NRCAM: variants seen among roughly 807,000 people sequenced by gnomAD.
NRCAM encodes the protein neuronal cell adhesion molecule, also known as NgCAM-related cell adhesion molecule.
In NRCAM, 83 loss-of-function variants were observed where a neutral mutation model predicts 156.5. The observed-to-expected ratio is 0.53, with a 90% CI of 0.44 to 0.64. The LOEUF is 0.64. NRCAM is among the 30% of genes least tolerant of loss of function. The pLI, the probability that NRCAM is intolerant of heterozygous loss-of-function variation, is 0.00. For missense variants in NRCAM, 1,417 were observed against 1,597.3 expected (o/e 0.89, Z 1.92); for synonymous variants, 538 against 563.9 (o/e 0.95, Z 0.65).
chr7:108,448,375 T>A (rs1846738648), intron 1 of NRCAM, among the ~76,000 whole-genome samples: 1 of 152,224 alleles, frequency 6.6e-6, no homozygotes, highest in Non-Finnish European at 1.5e-5. Context: ...GTACTAAATA[T>A]ACATTTACAA....
chr7:108,324,154 T>TGA (rs1322731249), intron 2 of NRCAM, among the ~76,000 whole-genome samples: 4 of 152,042 alleles, frequency 2.6e-5, no homozygotes, highest in African/African-American at 9.7e-5. Flanking sequence ...ACTTCCATTT[T>TGA]GAAGGGTGGA....
At chr7:108,251,467 C>G (rs1398375871) in intron 3 of NRCAM, among the ~76,000 whole-genome samples, 1 of 152,136 alleles carries the variant, frequency 6.6e-6, no homozygotes, top group Non-Finnish European at 1.5e-5. Context: ...TTCCTAGACT[C>G]AACAATGAAT....
intron 2 of NRCAM, among the ~76,000 whole-genome samples, chr7:108,317,863 G>A (rs994139069): frequency 3.3e-5 from 5 of 149,832 alleles, no homozygotes; most frequent in African/African-American, 9.8e-5. Flanking sequence ...GAGTTGAGAT[G>A]GCGCCATTGC....
chr7:108,435,868 T>C (rs543140000), intron 1 of NRCAM, among the ~76,000 whole-genome samples: 6 of 152,318 alleles, frequency 3.9e-5, no homozygotes, highest in East Asian at 1.9e-4. Flanking sequence ...GGCGGTGGCT[T>C]ACGCCTGTAA....
intron 3 of NRCAM, among the ~76,000 whole-genome samples, chr7:108,262,730 A>G (rs1181897908): frequency 6.6e-6 from 1 of 152,110 alleles, no homozygotes; most frequent in Non-Finnish European, 1.5e-5. Context: ...GTCCTTCTCC[A>G]TCTCCTTTGG....
In NRCAM at chr7:108,450,108, T is replaced by C. The variant is rs1848606324; in HGVS notation, c.-332+6135A>G. ...TTTCATTCTCATGTGAATTAAACCA[T>C]GTTTTAGTCCAGGGCAATATGGAAG... On this transcript the variant is annotated intron_variant, in intron 1 of 32. Coordinates refer to ENST00000379028, the MANE Select transcript of NRCAM (RefSeq NM_001037132.4). Among the ~76,000 whole-genome samples the C allele has an allele frequency of 3.9e-5, 6 of 152,154 alleles. No homozygotes were observed. The South Asian group carries it at 1.2e-3, about 32-fold the overall frequency.
chr7:108,379,229 A>G (rs1250022350), intron 2 of NRCAM, among the ~76,000 whole-genome samples: 5 of 152,192 alleles, frequency 3.3e-5, no homozygotes, highest in South Asian at 2.1e-4. Flanking sequence ...ATGTAAAACT[A>G]CTATCTCTGA....
chr7:108,386,477 T>C (rs1016389719), intron 2 of NRCAM, among the ~76,000 whole-genome samples: 4 of 152,194 alleles, frequency 2.6e-5, no homozygotes, highest in African/African-American at 9.6e-5. Context: ...AAGCCTTTCA[T>C]AGTGATCTAA....
chr7:108,186,935 A>C (rs1265127128), intron 20 of NRCAM, among the ~76,000 whole-genome samples: 1 of 152,232 alleles, frequency 6.6e-6, no homozygotes, highest in African/African-American at 2.4e-5. Context: ...CATGGGATAT[A>C]AAGTTGAACC....
chr7:108,391,880 T>C (rs1471411453), intron 2 of NRCAM, among the ~76,000 whole-genome samples: 2 of 152,138 alleles, frequency 1.3e-5, no homozygotes, highest in Non-Finnish European at 2.9e-5. Flanking sequence ...AATTCTTTTC[T>C]TTAAGAATGT....
intron 2 of NRCAM, among the ~76,000 whole-genome samples, chr7:108,381,854 C>A (rs550053144): frequency 1.4e-4 from 22 of 152,130 alleles, no homozygotes; most frequent in Non-Finnish European, 2.2e-4. Flanking sequence ...AGTCACTGCG[C>A]CTGGCCTGCC....
chr7:108,220,016 G>A (rs1475196216), intron 11 of NRCAM, among the ~76,000 whole-genome samples: 2 of 151,706 alleles, frequency 1.3e-5, no homozygotes, highest in Non-Finnish European at 2.9e-5. Flanking sequence ...CCAGATACAA[G>A]ATTAATGTAC....
chr7:108,213,243 G>A (rs1273927824), intron 11 of NRCAM, among the ~76,000 whole-genome samples: 1 of 152,152 alleles, frequency 6.6e-6, no homozygotes, highest in African/African-American at 2.4e-5. Context: ...CTGCTAAAAG[G>A]AGTTCTAAAT....
At chr7:108,166,491 G>A (rs1475590688) in intron 30 of NRCAM, among the ~76,000 whole-genome samples, 2 of 151,774 alleles carry the variant, frequency 1.3e-5, no homozygotes, top group African/African-American at 4.8e-5. Flanking sequence ...CAGGTGATCC[G>A]CCTGCCTCGG....
intron 3 of NRCAM, among the ~76,000 whole-genome samples, chr7:108,253,184 A>G (rs2096458436): frequency 6.6e-6 from 1 of 152,252 alleles, no homozygotes; most frequent in African/African-American, 2.4e-5. Flanking sequence ...GGATTCAAAT[A>G]TGAATTCAAC....
intron 1 of NRCAM, among the ~76,000 whole-genome samples, chr7:108,403,434 G>A (rs2099798650): frequency 1.3e-5 from 2 of 152,106 alleles, no homozygotes; most frequent in African/African-American, 4.8e-5. Flanking sequence ...CAATTTTAGA[G>A]AGCAAACAGT....
rs564979963 is a variant in NRCAM, at chr7:108,427,782, T to C, written c.-331-28189A>G. 1.5e-3 allele frequency among the ~76,000 whole-genome samples: 227 copies of C among 152,344 alleles called. 1 individual carries two copies. The highest frequency in any genetic ancestry group is 5.2e-3 in the African/African-American group (218 of 41,578). ...TTATTGGCTGGCAAACAAAAGTGATTGTTTTAAAAGTAAACAGCAAATCCA... is the reference window on the plus strand; with the variant it reads ...TTATTGGCTGGCAAACAAAAGTGATCGTTTTAAAAGTAAACAGCAAATCCA... On this transcript the variant is annotated intron_variant, in intron 1 of 32. Transcript: ENST00000379028.
intron 3 of NRCAM, among the ~76,000 whole-genome samples, chr7:108,292,965 G>A (rs1234413950): frequency 6.6e-6 from 1 of 152,110 alleles, no homozygotes; most frequent in Non-Finnish European, 1.5e-5. Flanking sequence ...ATCTGATGAA[G>A]GCCCAAATCA....
chr7:108,221,019 C>T (rs1264320144), intron 11 of NRCAM, among the ~76,000 whole-genome samples: 1 of 151,906 alleles, frequency 6.6e-6, no homozygotes, highest in Non-Finnish European at 1.5e-5. Context: ...ACAGACAATC[C>T]CATCAAAAAC....
Sources: gnomAD v4.1 joint callset for allele counts (sites outside exome capture counted in the v4.1 genomes callset) on GRCh38, gnomAD v4.1.1 for gene constraint, MANE v1.5 for transcripts, NCBI Gene and HGNC (gene_info 2026-07-23, HGNC 2026-07-21) for gene names.